RAB2A: variants seen among roughly 807,000 people sequenced by gnomAD.
RAB2A encodes ras-related protein Rab-2A.
A neutral mutation model predicts 32.5 loss-of-function variants in RAB2A; 7 were observed. That is an observed-to-expected ratio of 0.22 (90% CI 0.12 to 0.40). The LOEUF (loss-of-function observed/expected upper bound fraction) is 0.40, where lower values mean the gene tolerates loss of function less well. RAB2A is among the 10% of genes least tolerant of loss of function. The pLI, the probability that RAB2A is intolerant of heterozygous loss-of-function variation, is 1.00. For synonymous variants in RAB2A, 79 were observed against 85.2 expected (o/e 0.93, Z 0.40); for missense variants, 108 against 260.7 (o/e 0.41, Z 4.03).
chr8:60,526,968 C>CA (rs34685368), intron 1 of RAB2A, among the ~76,000 whole-genome samples: 329 of 91,414 alleles, frequency 3.6e-3, no homozygotes, highest in East Asian at 0.019. Context: ...GACTCCATCT[C>CA]AAAAAAAAAA....
chr8:60,518,740 A>G (rs184149711), intron 1 of RAB2A, among the ~76,000 whole-genome samples: 94 of 152,210 alleles, frequency 6.2e-4, no homozygotes, highest in African/African-American at 2.1e-3. Context: ...GTAAACTTTA[A>G]AAGAAAAATG....
intron 6 of RAB2A, among the ~76,000 whole-genome samples, chr8:60,606,310 G>T (rs1211086699): frequency 6.6e-6 from 1 of 152,204 alleles, no homozygotes; most frequent in African/African-American, 2.4e-5. Flanking sequence ...GTACTGTTAG[G>T]AAGTGACACC....
intron 3 of RAB2A, chr8:60,583,983 G>A (rs1310661485): frequency 7.8e-6 from 3 of 382,434 alleles, no homozygotes; most frequent in Non-Finnish European, 1.5e-5. Flanking sequence ...GGCTGGGGAG[G>A]TTGCAGGAGC....
intron 1 of RAB2A, among the ~76,000 whole-genome samples, chr8:60,537,269 TG>T (rs1326175238): frequency 2.0e-5 from 3 of 152,254 alleles, no homozygotes; most frequent in Non-Finnish European, 2.9e-5. Flanking sequence ...TTGCCTGGGC[TG>T]GAGTCTAATG....
At chr8:60,523,780 T>G (rs1807337504) in intron 1 of RAB2A, among the ~76,000 whole-genome samples, 1 of 150,966 alleles carries the variant, frequency 6.6e-6, no homozygotes, top group African/African-American at 2.4e-5. Flanking sequence ...AAGCTCCGTC[T>G]CCCGGGTTCA....
At chr8:60,558,603 G>A in intron 1 of RAB2A, 1 of 525,766 alleles carries the variant, frequency 1.9e-6, no homozygotes. Flanking sequence ...GAGTTTAGCT[G>A]CCATATTTAT....
intron 1 of RAB2A, among the ~76,000 whole-genome samples, chr8:60,547,596 G>C (rs1314054454): frequency 1.6e-5 from 2 of 123,712 alleles, no homozygotes; most frequent in East Asian, 2.8e-4. Flanking sequence ...TCCCAGTAGG[G>C]GCGGCCGGGC....
chr8:60,601,962 T>C (rs1804141656), intron 6 of RAB2A, among the ~76,000 whole-genome samples: 1 of 152,182 alleles, frequency 6.6e-6, no homozygotes, highest in South Asian at 2.1e-4. Flanking sequence ...AACTGTAGCC[T>C]CAACCTCTTG....
chr8:60,578,138 A>C (rs1803674030), intron 3 of RAB2A, among the ~76,000 whole-genome samples: 1 of 152,194 alleles, frequency 6.6e-6, no homozygotes, highest in East Asian at 1.9e-4. Flanking sequence ...ACTGATTCTC[A>C]CAAATCTTAA....
intron 1 of RAB2A, among the ~76,000 whole-genome samples, chr8:60,543,996 A>G (rs572771873): frequency 1.9e-4 from 26 of 137,300 alleles, no homozygotes; most frequent in Admixed American, 4.0e-4. Context: ...CGGTGGGTGG[A>G]GGTTGCAGTG....
intron 6 of RAB2A, among the ~76,000 whole-genome samples, chr8:60,612,819 T>C (rs1374798823): frequency 6.6e-6 from 1 of 152,166 alleles, no homozygotes; most frequent in Non-Finnish European, 1.5e-5. Flanking sequence ...TTGGAACTGG[T>C]GATGCTATAG....
chr8:60,558,148 A>G (rs1489659374), intron 1 of RAB2A, among the ~76,000 whole-genome samples: 1 of 152,202 alleles, frequency 6.6e-6, no homozygotes, highest in East Asian at 1.9e-4. Context: ...GCAGGATGCT[A>G]TCAATTAAGC....
At position 60,620,808 on chromosome 8, in the gene RAB2A, CACTT is replaced by C. The variant is rs1457451924; in HGVS notation, c.*41_*44del. On this transcript the variant is annotated 3_prime_UTR_variant, in exon 8 of 8. Transcript: ENST00000262646. ...GTCTAGCTGCCCAACGGGGCCTACT[CACTT>C]ATTCTTTCACCCCCTCTCCTCCTGC... The C allele has an allele frequency of 1.3e-6, 2 of 1,548,010 alleles. No individual in the cohort carries two copies. Among genetic ancestry groups the C allele is most frequent in the Admixed American group, 3.9e-5 (2 of 51,316 alleles).
intron 6 of RAB2A, among the ~76,000 whole-genome samples, chr8:60,612,088 C>CA (rs1563487138): frequency 6.6e-6 from 1 of 152,074 alleles, no homozygotes; most frequent in African/African-American, 2.4e-5. Flanking sequence ...TTTTAAGCCC[C>CA]ACATGCATTA....
intron 1 of RAB2A, among the ~76,000 whole-genome samples, chr8:60,538,214 A>G (rs1388608701): frequency 6.6e-6 from 1 of 152,192 alleles, no homozygotes; most frequent in Admixed American, 6.5e-5. Flanking sequence ...CTAGCTTTGT[A>G]TTTGCAAAAA....
At chr8:60,579,655 T>G (rs1803705922) in intron 3 of RAB2A, among the ~76,000 whole-genome samples, 1 of 151,042 alleles carries the variant, frequency 6.6e-6, no homozygotes, top group African/African-American at 2.4e-5. Flanking sequence ...TGAGATGGAG[T>G]CTCACTCTGT....
chr8:60,530,270 C>A (rs752961017), intron 1 of RAB2A, among the ~76,000 whole-genome samples: 1 of 151,694 alleles, frequency 6.6e-6, no homozygotes, highest in Non-Finnish European at 1.5e-5. Flanking sequence ...CTCAGCCTCT[C>A]AAGTAGCTGG....
chr8:60,563,725 C>T (rs535738609), intron 2 of RAB2A, among the ~76,000 whole-genome samples: 5 of 152,324 alleles, frequency 3.3e-5, no homozygotes, highest in East Asian at 1.9e-4. Context: ...CCTTCCTGCT[C>T]ACTTTCTTTA....
chr8:60,552,496 A>C (rs572880862), intron 1 of RAB2A: 2 of 152,200 alleles, frequency 1.3e-5, no homozygotes, highest in African/African-American at 4.8e-5. Context: ...TCGTATTACT[A>C]TACTTTGTGA....
Sources: allele counts gnomAD v4.1 joint callset (sites outside exome capture counted in the v4.1 genomes callset), GRCh38; gene constraint gnomAD v4.1.1; transcripts MANE v1.5; gene names NCBI Gene and HGNC (gene_info 2026-07-23, HGNC 2026-07-21).